Variants in NSMCE2 observed in about 807,000 individuals in gnomAD.
The protein encoded by NSMCE2 is NSE2 SUMO ligase component of SMC5/6 complex.
In NSMCE2, 24 loss-of-function variants were observed where a neutral mutation model predicts 23.8. That is an observed-to-expected ratio of 1.01 (90% CI 0.73 to 1.42). The LOEUF (loss-of-function observed/expected upper bound fraction) is 1.42. Among genes scored for constraint, NSMCE2 ranks in the 40% most tolerant of loss-of-function variants. The pLI, the probability that NSMCE2 is intolerant of heterozygous loss-of-function variation, is 0.00. For synonymous variants in NSMCE2, 92 were observed against 94.1 expected, an observed-to-expected ratio of 0.98 and a Z score of 0.13; for missense variants, 284 against 296.5, an observed-to-expected ratio of 0.96 and a Z score of 0.31.
At chr8:125,131,114 A>G (rs1047447874) in intron 3 of NSMCE2, among the ~76,000 whole-genome samples, 7 of 152,172 alleles carry the variant, frequency 4.6e-5, no homozygotes, top group African/African-American at 1.7e-4. Flanking sequence ...CATTGTTGTC[A>G]TAGTCTGGAT....
chr8:125,306,563 C>T (rs1053097506), intron 5 of NSMCE2, among the ~76,000 whole-genome samples: 2 of 151,906 alleles, frequency 1.3e-5, no homozygotes, highest in Admixed American at 6.6e-5. Context: ...GATTTTTTTT[C>T]CTGAACACAT....
intron 5 of NSMCE2, among the ~76,000 whole-genome samples, chr8:125,339,220 C>T (rs1830158620): frequency 6.6e-6 from 1 of 152,162 alleles, no homozygotes; most frequent in Admixed American, 6.5e-5. Flanking sequence ...CACCTGGTCT[C>T]TCTCCTTGGG....
intron 4 of NSMCE2, among the ~76,000 whole-genome samples, chr8:125,159,599 G>A (rs1229165089): frequency 1.3e-5 from 2 of 152,228 alleles, no homozygotes; most frequent in African/African-American, 2.4e-5. Flanking sequence ...TATCCCCATC[G>A]TTAAGCAGTG....
At chr8:125,320,237 G>GA (rs1369510868) in intron 5 of NSMCE2, among the ~76,000 whole-genome samples, 3 of 42,442 alleles carry the variant, frequency 7.1e-5, no homozygotes, top group Non-Finnish European at 1.4e-4. Flanking sequence ...GGAGGGAAGG[G>GA]AGGGAGGGAG....
chr8:125,217,646 G>A (rs556490893), intron 5 of NSMCE2, among the ~76,000 whole-genome samples: 144 of 152,258 alleles, frequency 9.5e-4, no homozygotes, highest in African/African-American at 3.2e-3. Flanking sequence ...GATTACAGGC[G>A]TGAGCCACCG....
chr8:125,122,170 GC>G (rs1458617249), intron 3 of NSMCE2, among the ~76,000 whole-genome samples: 27,619 of 106,426 alleles, frequency 0.26, 3,595 homozygotes, highest in African/African-American at 0.46. Flanking sequence ...CTCTGGCTGA[GC>G]CAAAAAAAAA....
chr8:125,285,022 C>T (rs973627585), intron 5 of NSMCE2, among the ~76,000 whole-genome samples: 9 of 152,126 alleles, frequency 5.9e-5, no homozygotes, highest in African/African-American at 2.2e-4. Context: ...AATGATGCGG[C>T]ATGAAAAGGA....
intron 7 of NSMCE2, among the ~76,000 whole-genome samples, chr8:125,361,767 CG>C (rs1813566051): frequency 6.6e-6 from 1 of 152,164 alleles, no homozygotes; most frequent in Non-Finnish European, 1.5e-5. Flanking sequence ...TATCACTCCC[CG>C]TGCTGCTTAG....
chr8:125,357,516 G>T (rs191940597), intron 6 of NSMCE2, among the ~76,000 whole-genome samples, 196 bp from the exon 7 acceptor site: 6 of 152,192 alleles, frequency 3.9e-5, no homozygotes, highest in Non-Finnish European at 7.3e-5. Context: ...TGAAGGATCC[G>T]GGACTAAAGT....
Position 125,102,307 on chromosome 8 carries a change from GA to G in NSMCE2, c.-14-6del, listed in dbSNP as rs1818231416. The G allele has an allele frequency of 1.3e-6, 2 of 1,598,418 alleles. No homozygotes were observed. The highest frequency in any genetic ancestry group is 2.7e-5 in the African/African-American group (2 of 74,396). Reference sequence around the variant, plus strand: ...TTACGAATCTTGTTTCATTGTGTTTGAAAACTTAGGTACTAATTTCAAGATG... The same window carrying G: ...TTACGAATCTTGTTTCATTGTGTTTGAAACTTAGGTACTAATTTCAAGATG... On this transcript the variant is annotated splice_polypyrimidine_tract_variant and intron_variant, in intron 2 of 7. Coordinates refer to ENST00000287437, the MANE Select transcript of NSMCE2 (RefSeq NM_173685.4).
rs141036539 is a variant in NSMCE2, at chr8:125,122,921, G to A, written c.157+20434G>A. Among the ~76,000 whole-genome samples, 508 of 152,246 alleles carry A rather than the reference G, an allele frequency of 3.3e-3. 3 individuals carry two copies. Among genetic ancestry groups the A allele is most frequent in the Non-Finnish European group, 5.1e-3 (348 of 68,026 alleles). On this transcript the variant is annotated intron_variant, in intron 3 of 7. Transcript: ENST00000287437. Reference sequence around the variant, plus strand: ...ACTCTGCCATTTTCACTCAAAAGCAGCCATAAACAATATGTAAACAAATGG... The same window carrying A: ...ACTCTGCCATTTTCACTCAAAAGCAACCATAAACAATATGTAAACAAATGG...
At chr8:125,128,308 TGTA>T (rs1440780961) in intron 3 of NSMCE2, among the ~76,000 whole-genome samples, 5 of 152,182 alleles carry the variant, frequency 3.3e-5, no homozygotes, top group Non-Finnish European at 7.4e-5. Context: ...GGGAGGTTGT[TGTA>T]GTAGTTCCCA....
intron 1 of NSMCE2, among the ~76,000 whole-genome samples, chr8:125,094,282 G>A (rs1817824920): frequency 6.6e-6 from 1 of 152,180 alleles, no homozygotes; most frequent in Non-Finnish European, 1.5e-5. Context: ...ACAAAGTGGA[G>A]TGACTATAAT....
At chr8:125,244,837 C>T (rs11998251) in intron 5 of NSMCE2, among the ~76,000 whole-genome samples, 3,781 of 151,966 alleles carry the variant, frequency 0.025, 145 homozygotes, top group African/African-American at 0.085. Context: ...AATGAACATT[C>T]GCACACAAAA....
intron 5 of NSMCE2, among the ~76,000 whole-genome samples, chr8:125,300,049 C>G (rs1298495263): frequency 6.6e-6 from 1 of 150,738 alleles, no homozygotes; most frequent in African/African-American, 2.4e-5. Context: ...AAACTTCTGA[C>G]CTCAGGTGAT....
chr8:125,164,944 G>A (rs907921706), intron 4 of NSMCE2, among the ~76,000 whole-genome samples: 5 of 152,154 alleles, frequency 3.3e-5, no homozygotes, highest in African/African-American at 1.2e-4. Flanking sequence ...ATTTGTTCAT[G>A]ATCAATTCTT....
At chr8:125,323,316 T>C (rs1829527883) in intron 5 of NSMCE2, among the ~76,000 whole-genome samples, 1 of 152,120 alleles carries the variant, frequency 6.6e-6, no homozygotes, top group Non-Finnish European at 1.5e-5. Context: ...GAAATTCCTA[T>C]AGAAACACAG....
At chr8:125,284,053 C>T (rs1827798346) in intron 5 of NSMCE2, among the ~76,000 whole-genome samples, 1 of 151,444 alleles carries the variant, frequency 6.6e-6, no homozygotes, top group South Asian at 2.1e-4. Context: ...ACTTGGGAGG[C>T]TTAGGCAGGA....
At chr8:125,096,490 C>T (rs1163116213) in intron 1 of NSMCE2, among the ~76,000 whole-genome samples, 1 of 149,282 alleles carries the variant, frequency 6.7e-6, no homozygotes, top group Non-Finnish European at 1.5e-5. Flanking sequence ...CCATACTTGC[C>T]TTGATTGCCA....
Sources: allele counts gnomAD v4.1 joint callset (sites outside exome capture counted in the v4.1 genomes callset), GRCh38; gene constraint gnomAD v4.1.1; transcripts MANE v1.5; gene names NCBI Gene and HGNC (gene_info 2026-07-23, HGNC 2026-07-21).